The following AFAP1L2 variants were observed in gnomAD, a reference collection of about 807,000 sequenced individuals.
AFAP1L2 encodes the protein actin filament associated protein 1 like 2.
A neutral mutation model predicts 99.3 loss-of-function variants in AFAP1L2; 46 were observed. That is an observed-to-expected ratio of 0.46 (90% CI 0.37 to 0.59). The LOEUF (loss-of-function observed/expected upper bound fraction) is 0.59, where lower values mean the gene tolerates loss of function less well. Ranked by LOEUF, AFAP1L2 falls within the 20% of genes least tolerant of loss-of-function variation. The pLI, the probability that AFAP1L2 is intolerant of heterozygous loss-of-function variation, is 0.00. For synonymous variants in AFAP1L2, 397 were observed against 419.1 expected, an observed-to-expected ratio of 0.95 and a Z score of 0.64; for missense variants, 959 against 1,034.9, an observed-to-expected ratio of 0.93 and a Z score of 1.01.
intron 4 of AFAP1L2, among the ~76,000 whole-genome samples, chr10:114,331,102 C>A (rs1005066802): frequency 2.6e-5 from 4 of 151,986 alleles, no homozygotes; most frequent in Non-Finnish European, 5.9e-5. Context: ...GGAGGCAGGA[C>A]ATGCAGCTGA....
chr10:114,372,654 T>C (rs2054272930), intron 1 of AFAP1L2, among the ~76,000 whole-genome samples: 1 of 151,774 alleles, frequency 6.6e-6, no homozygotes, highest in South Asian at 2.1e-4. Flanking sequence ...TATACACATA[T>C]ATGTATACAT....
chr10:114,286,022 C>T, the AFAP1L2 span: 136 of 1,613,960 alleles, frequency 8.4e-5, no homozygotes, highest in South Asian at 8.5e-4. Context: ...CGGCTTCCTG[C>T]GGGCCAAAGT....
At position 114,297,276 on chromosome 10, in the gene AFAP1L2, G is replaced by C. The variant is rs1353676980; in HGVS notation, c.2251C>G (p.Pro751Ala). 9 of 1,613,812 alleles carry C rather than the reference G, an allele frequency of 5.6e-6. No homozygotes were observed. The highest frequency in any genetic ancestry group is 7.6e-6 in the Non-Finnish European group (9 of 1,179,998). The change falls in exon 17 of 19, where the codon CCT (proline) becomes GCT (alanine). Residue 751 changes from proline (P) to alanine (A), a missense_variant. By Grantham distance (27) the Pro-to-Ala change is conservative. Around this residue, in one of 2 missense-constraint regions of AFAP1L2, gnomAD observed 576 missense variants for 562.1 expected, o/e 1.02. Coordinates refer to ENST00000304129, the MANE Select transcript of AFAP1L2 (RefSeq NM_001001936.3). ...KDNLKKAEAG[P>A]VTLGTTVDTT... is the part of the protein sequence containing the mutation. ...TCCACGGTGGTGCCTAACGTCACAG[G>C]CCCTGCCTCAGCCTTCTTCAGGTTG...
In AFAP1L2 at chr10:114,305,104, G is replaced by T. The variant is rs2530325; in HGVS notation, c.1073-174C>A. 8.1e-6 allele frequency: 5 copies of T among 618,754 alleles called. No individual in the cohort carries two copies. The South Asian group carries it at 9.0e-5, about 11-fold the overall frequency. The allele number at this position is 618,754 out of a possible 1,614,324, so 38.3% of individuals were successfully genotyped here. On this transcript the variant is annotated intron_variant, in intron 10 of 18. Coordinates refer to ENST00000304129, the MANE Select transcript of AFAP1L2 (RefSeq NM_001001936.3). The stretch of plus-strand genomic sequence containing the variant: ...GGCTCCAGGAGGGGACGCAGATGCA[G>T]GAGGGGACCGGGCTGCAGGAGGGGA...
At position 114,313,997 on chromosome 10, in the gene AFAP1L2, G is replaced by A. The variant is rs1180617766; in HGVS notation, c.666C>T (p.Gly222=). 1 of 1,614,072 alleles carries A rather than the reference G, an allele frequency of 6.2e-7. No individual in the cohort carries two copies. Among genetic ancestry groups the A allele is most frequent in the South Asian group, 1.1e-5 (1 of 91,064 alleles). Residue 222 remains glycine, a synonymous_variant, in exon 7 of 19, where the codon GGC becomes GGT. Transcript: ENST00000304129. ...GCTTCTCCTTGTGAATGACGCTGCT[G>A]CCCAGTAGGTTCACGTCCAGCTGAG... is the stretch of plus-strand genomic sequence containing the variant. ...HSPQLDVNLL[G]SSVIHKEKQV...
In AFAP1L2 at chr10:114,340,277, G is replaced by A. The variant is rs11815432; in HGVS notation, c.145+326C>T. Among the ~76,000 whole-genome samples the A allele has an allele frequency of 9.0e-3, 1,368 of 152,094 alleles. 23 individuals are homozygous for A. Among genetic ancestry groups the A allele is most frequent in the African/African-American group, 0.031 (1,306 of 41,476 alleles). ...TGAGGCTACAGTGAACCATGATCGC[G>A]CCACTGCACTCCAGACTGGGTGACA... On this transcript the variant is annotated intron_variant, in intron 2 of 18. Transcript: ENST00000304129.
In AFAP1L2 at chr10:114,321,094, T is replaced by A. The variant is rs149128743; in HGVS notation, c.406+2077A>T. Among the ~76,000 whole-genome samples, 1,454 of 152,328 alleles carry A rather than the reference T, an allele frequency of 9.5e-3. 24 individuals are homozygous for A. Among genetic ancestry groups the A allele is most frequent in the African/African-American group, 0.034 (1,400 of 41,568 alleles). On this transcript the variant is annotated intron_variant, in intron 5 of 18. Coordinates refer to ENST00000304129, the MANE Select transcript of AFAP1L2 (RefSeq NM_001001936.3). ...CAGGGGAATCCCATCCCGCTCCCAG[T>A]CACCGGTCCCATCTCATCCCTGGTC...
chr10:114,323,201 C>A lies in AFAP1L2; in HGVS notation c.376G>T (p.Glu126Ter). The change falls in exon 5 of 19, where the codon GAG becomes TAG. Residue 126 changes from glutamate to a stop codon, truncating the protein, a stop_gained. Coordinates refer to ENST00000304129, the MANE Select transcript of AFAP1L2 (RefSeq NM_001001936.3). LOFTEE classifies it high-confidence loss of function. ...KTESPEGYYE[E>*]AEPYDTSLNE... ...AGGGATGTGTCATATGGCTCAGCCTCTTCATAGTAGCCCTCTGGAGACTCC... is the reference window on the plus strand; with the variant it reads ...AGGGATGTGTCATATGGCTCAGCCTATTCATAGTAGCCCTCTGGAGACTCC... 1 of 1,602,088 alleles carries A rather than the reference C, an allele frequency of 6.2e-7. No individual in the cohort carries two copies. Among genetic ancestry groups the A allele is most frequent in the East Asian group, 2.2e-5 (1 of 44,608 alleles).
At chr10:114,382,814 C>T (rs1249710821) in intron 1 of AFAP1L2, among the ~76,000 whole-genome samples, 5 of 152,156 alleles carry the variant, frequency 3.3e-5, no homozygotes, top group South Asian at 2.1e-4. Context: ...AGGCTGGTCT[C>T]AAACTCCTGA....
At chr10:114,310,684 C>G (rs893982488) in intron 7 of AFAP1L2, among the ~76,000 whole-genome samples, 1 of 152,224 alleles carries the variant, frequency 6.6e-6, no homozygotes. Context: ...AGGTCCCACA[C>G]GTTCATGGGC....
At chr10:114,289,451 G>A in the AFAP1L2 span, 62 of 1,614,018 alleles carry the variant, frequency 3.8e-5, no homozygotes, top group Middle Eastern at 1.6e-4. Context: ...GCCGACCTGC[G>A]GTACCACCAG....
Position 114,373,247 on chromosome 10 carries a change from T to G in AFAP1L2, c.16+31193A>C, listed in dbSNP as rs114516750. Among the ~76,000 whole-genome samples, 809 of 151,992 alleles carry G rather than the reference T, an allele frequency of 5.3e-3. 8 individuals are homozygous for G. Among genetic ancestry groups the G allele is most frequent in the African/African-American group, 0.019 (769 of 41,466 alleles). On this transcript the variant is annotated intron_variant, in intron 1 of 18. Transcript: ENST00000304129. ...GGCAGTGAGACCCTGTCTCAAATTT[T>G]TAAAATTCCTACATAATTCTTATTT...
chr10:114,352,488 A>AAAAAAAG (rs2050683547), intron 1 of AFAP1L2, among the ~76,000 whole-genome samples: 1 of 149,930 alleles, frequency 6.7e-6, no homozygotes, highest in East Asian at 1.9e-4. Context: ...TTAAAAAAAA[A>AAAAAAAG]AAAAAAAAAA....
the AFAP1L2 span, among the ~76,000 whole-genome samples, chr10:114,287,185 CT>C: frequency 6.6e-6 from 1 of 152,042 alleles, no homozygotes; most frequent in Non-Finnish European, 1.5e-5. Flanking sequence ...TGAAACACGT[CT>C]TTTTTTTCTT....
the AFAP1L2 span, chr10:114,282,596 A>G: frequency 6.2e-7 from 1 of 1,605,374 alleles, no homozygotes; most frequent in Non-Finnish European, 8.5e-7. Flanking sequence ...TTGGATTTAC[A>G]GGTTCTTTCA....
chr10:114,384,324 TC>T (rs373711842), intron 1 of AFAP1L2, among the ~76,000 whole-genome samples: 2,440 of 146,250 alleles, frequency 0.017, 59 homozygotes, highest in African/African-American at 0.055. Context: ...TTGTCTGTCG[TC>T]CCCCCCCCGC....
In AFAP1L2 at chr10:114,297,014, C is replaced by T. The variant is rs769635330; in HGVS notation, c.2394G>A (p.Val798=). 2 of 1,614,128 alleles carry T rather than the reference C, an allele frequency of 1.2e-6. No individual in the cohort carries two copies. The highest frequency in any genetic ancestry group is 1.1e-5 in the South Asian group (1 of 91,062). The change falls in exon 18 of 19, where the codon GTG becomes GTA. Residue 798 remains valine (V), a synonymous_variant. Coordinates refer to ENST00000304129, the MANE Select transcript of AFAP1L2 (RefSeq NM_001001936.3). The stretch of plus-strand genomic sequence containing the variant: ...GGAGTACAGTGCCTTTGCCTGTGAC[C>T]ACGACCGAGAGAGGCCTGTTCTTGA... ...TTLKNRPLSV[V]VTGKGTVLQK...
intron 1 of AFAP1L2, among the ~76,000 whole-genome samples, chr10:114,375,562 G>A (rs528002839): frequency 1.3e-5 from 2 of 152,226 alleles, no homozygotes; most frequent in South Asian, 2.1e-4. Context: ...TTGCTTAATT[G>A]GGGTTCAACA....
chr10:114,351,683 C>CA (rs1196695913), intron 1 of AFAP1L2, among the ~76,000 whole-genome samples: 4 of 152,222 alleles, frequency 2.6e-5, no homozygotes, highest in African/African-American at 9.6e-5. Context: ...CTGGGCCACC[C>CA]CCCTGCCCCA....
Sources: gnomAD v4.1 joint callset for allele counts (sites outside exome capture counted in the v4.1 genomes callset) on GRCh38, gnomAD v4.1.1 for gene constraint, gnomAD v4.1.1 regional missense constraint, MANE v1.5 for transcripts, NCBI Gene and HGNC (gene_info 2026-07-23, HGNC 2026-07-21) for gene names.